Variants in SCN11A observed in about 807,000 individuals in gnomAD.
SCN11A encodes sodium channel protein type 11 subunit alpha.
In SCN11A, 122 loss-of-function variants were observed where a neutral mutation model predicts 162.2. That is an observed-to-expected ratio of 0.75 (90% CI 0.65 to 0.87). The LOEUF is 0.87. Ranked by LOEUF, SCN11A falls within the 40% of genes least tolerant of loss-of-function variation. SCN11A has a pLI of 0.00. For missense variants in SCN11A, 2,015 were observed against 2,181.6 expected, an observed-to-expected ratio of 0.92 and a Z score of 1.52; for synonymous variants, 758 against 751.5, an observed-to-expected ratio of 1.01 and a Z score of -0.14.
rs563426037 is a variant in SCN11A at position 39,003,890 on chromosome 3, ATTTG to A, written c.-280+28486_-280+28489del. ...TTTAATGGGTTTTTTTTTCTTGTAAATTTGTTTAAGTTCCTTATAGATGCTGGAT... is the reference window on the plus strand; with the variant it reads ...TTTAATGGGTTTTTTTTTCTTGTAAATTTAAGTTCCTTATAGATGCTGGAT... On this transcript the variant is annotated intron_variant, in intron 2 of 29. Coordinates refer to ENST00000302328, the MANE Select transcript of SCN11A (RefSeq NM_001349253.2). Among the ~76,000 whole-genome samples the A allele has an allele frequency of 9.0e-4, 137 of 151,814 alleles. 1 individual carries two copies. Among genetic ancestry groups the A allele is most frequent in the African/African-American group, 3.3e-3 (135 of 41,396 alleles).
intron 3 of SCN11A, among the ~76,000 whole-genome samples, chr3:38,958,050 G>A (rs2066702804): frequency 6.6e-6 from 1 of 152,196 alleles, no homozygotes; most frequent in Admixed American, 6.5e-5. Context: ...ACTGAGGGCT[G>A]CACACGGACT....
chr3:38,969,894 A>AC (rs1474371434), intron 2 of SCN11A, among the ~76,000 whole-genome samples: 1 of 151,876 alleles, frequency 6.6e-6, no homozygotes, highest in African/African-American at 2.4e-5. Context: ...GAGAACACAA[A>AC]CCCCCCAATC....
chr3:38,854,888 A>C, intron 28 of SCN11A, among the ~76,000 whole-genome samples: 1 of 152,184 alleles, frequency 6.6e-6, no homozygotes, highest in Admixed American at 6.5e-5. Flanking sequence ...TGTATCTCAC[A>C]GGGGTCTTCT....
At chr3:38,919,000 G>T (rs545782065) in intron 11 of SCN11A, among the ~76,000 whole-genome samples, 5 of 152,186 alleles carry the variant, frequency 3.3e-5, no homozygotes, top group African/African-American at 1.2e-4. Flanking sequence ...ATAGCCTATT[G>T]TTCCTAGGCT....
intron 18 of SCN11A, among the ~76,000 whole-genome samples, chr3:38,895,280 A>G (rs543862840): frequency 1.3e-5 from 2 of 152,316 alleles, no homozygotes; most frequent in South Asian, 4.1e-4. Context: ...AATTGAGAGT[A>G]CATTTCTTGA....
At chr3:38,908,947 C>G in intron 13 of SCN11A, 50 bp downstream of exon 13, 3 of 1,536,542 alleles carry the variant, frequency 2.0e-6, no homozygotes, top group Non-Finnish European at 2.7e-6. Context: ...CCTCTGGGGA[C>G]CCCTTCCCCT....
chr3:38,895,974 T>C (rs975460642), intron 18 of SCN11A, among the ~76,000 whole-genome samples: 5 of 152,180 alleles, frequency 3.3e-5, no homozygotes, highest in Non-Finnish European at 5.9e-5. Context: ...ATCCTGAAGA[T>C]CTTGTGCAGT....
intron 2 of SCN11A, among the ~76,000 whole-genome samples, chr3:39,002,594 G>C (rs973116533): frequency 6.6e-5 from 10 of 152,232 alleles, no homozygotes; most frequent in African/African-American, 2.4e-4. Flanking sequence ...AAGATGTGAG[G>C]AGACAGATGT....
intron 7 of SCN11A, among the ~76,000 whole-genome samples, chr3:38,944,969 A>C (rs1292610018): frequency 2.2e-5 from 3 of 138,228 alleles, no homozygotes; most frequent in Non-Finnish European, 3.1e-5. Flanking sequence ...GTCTCAAAAA[A>C]TAAAAAAAAA....
intron 14 of SCN11A, 54 bp from the exon 15 acceptor site, chr3:38,905,375 A>C: frequency 6.3e-7 from 1 of 1,578,496 alleles, no homozygotes; most frequent in South Asian, 1.2e-5. Context: ...CTCTCCTCAA[A>C]ACTTAACAAA....
At chr3:39,005,872 T>TTTTTG (rs1410089832) in intron 2 of SCN11A, among the ~76,000 whole-genome samples, 3 of 152,200 alleles carry the variant, frequency 2.0e-5, no homozygotes, top group African/African-American at 7.2e-5. Flanking sequence ...TTTTTTGTTT[T>TTTTTG]TTTTGTTTTG....
rs80115511 is a variant in SCN11A, at chr3:39,040,588, C to T, written c.-403-8085G>A. Among the ~76,000 whole-genome samples, 583 of 152,250 alleles carry T rather than the reference C, an allele frequency of 3.8e-3. 5 individuals are homozygous for T. The highest frequency in any genetic ancestry group is 0.013 in the African/African-American group (556 of 41,546). ...AATTGAAACTAATGAGCCTAAGGAA[C>T]CTCAGCAAGATACAGGATAAATACA... On this transcript the variant is annotated intron_variant, in intron 1 of 29. Transcript: ENST00000302328.
intron 28 of SCN11A, among the ~76,000 whole-genome samples, chr3:38,854,266 C>T (rs1339771152): frequency 6.6e-6 from 1 of 152,008 alleles, no homozygotes; most frequent in African/African-American, 2.4e-5. Flanking sequence ...ATGACAGAGA[C>T]ATATAGCCAG....
intron 15 of SCN11A, 99 bp downstream of exon 15, chr3:38,905,093 C>T: frequency 1.3e-6 from 2 of 1,517,458 alleles, no homozygotes; most frequent in Non-Finnish European, 1.8e-6. Flanking sequence ...GGTTCCAAAA[C>T]AGCCTCCTTT....
chr3:38,891,365 G>C (rs1296336818), intron 19 of SCN11A, among the ~76,000 whole-genome samples: 2 of 151,804 alleles, frequency 1.3e-5, no homozygotes, highest in Admixed American at 6.6e-5. Context: ...AGAGCACAGA[G>C]AAAACAAAAG....
chr3:38,926,706 C>A, intron 8 of SCN11A, 97 bp downstream of exon 8: 1 of 1,267,850 alleles, frequency 7.9e-7, no homozygotes. Context: ...CTAGGCCATA[C>A]TCAGCCACTC....
intron 23 of SCN11A, among the ~76,000 whole-genome samples, chr3:38,875,860 T>C (rs1319948991): frequency 6.6e-6 from 1 of 151,692 alleles, no homozygotes; most frequent in Non-Finnish European, 1.5e-5. Flanking sequence ...GAAAAAACAA[T>C]CTTAAAATTT....
intron 1 of SCN11A, among the ~76,000 whole-genome samples, chr3:39,037,573 AT>A (rs2031939869): frequency 6.6e-6 from 1 of 152,148 alleles, no homozygotes; most frequent in African/African-American, 2.4e-5. Flanking sequence ...GTATGCCTCT[AT>A]CAAAGTATCT....
chr3:38,962,275 T>C (rs751325772), intron 2 of SCN11A, among the ~76,000 whole-genome samples: 6 of 152,240 alleles, frequency 3.9e-5, no homozygotes, highest in Non-Finnish European at 7.3e-5. Flanking sequence ...TATGGCCCTA[T>C]AGTATAATTT....
Sources: gnomAD v4.1 joint callset for allele counts (sites outside exome capture counted in the v4.1 genomes callset) on GRCh38, gnomAD v4.1.1 for gene constraint, MANE v1.5 for transcripts, NCBI Gene and HGNC (gene_info 2026-07-23, HGNC 2026-07-21) for gene names.